The following CEP55 variants were observed in gnomAD, a reference collection of about 807,000 sequenced individuals.
CEP55 encodes centrosomal protein 55.
Under a neutral mutation model 63.2 loss-of-function variants are expected in CEP55, and 57 were observed. The ratio of observed to expected loss-of-function variants is 0.90; its 90% CI spans 0.73 to 1.13. The LOEUF is 1.13. Ranked by LOEUF, CEP55 falls within the 50% of genes most tolerant of loss-of-function variation. The probability of loss-of-function intolerance (pLI) is 0.00; values close to 1 mark genes in which losing one functional copy is unlikely to be tolerated. For synonymous variants in CEP55, 178 were observed against 191.6 expected (o/e 0.93, Z 0.59); for missense variants, 456 against 518.9 (o/e 0.88, Z 1.18).
chr10:93,522,751 G>C (rs900767665), intron 8 of CEP55, among the ~76,000 whole-genome samples: 8 of 152,162 alleles, frequency 5.3e-5, no homozygotes, highest in Non-Finnish European at 7.4e-5. Flanking sequence ...AGCAGAAACT[G>C]TACAAGCCAG....
chr10:93,503,091 ATTC>A lies in CEP55; in HGVS notation c.184-16_184-14del, dbSNP rs764370690. On this transcript the variant is annotated intron_variant, in intron 2 of 8. Transcript: ENST00000371485. Reference sequence around the variant, plus strand: ...ATGTTTGACCTGGCTTTGTTCTAAGATTCTTCTTAGTTTATGTCTAGAAAATTC... The same window carrying A: ...ATGTTTGACCTGGCTTTGTTCTAAGATTCTTAGTTTATGTCTAGAAAATTC... 2.5e-6 allele frequency: 4 copies of A among 1,601,374 alleles called. No homozygotes were observed. The East Asian group carries it at 8.9e-5, about 36-fold the overall frequency.
chr10:93,523,852 C>T (rs2057890730), intron 8 of CEP55, among the ~76,000 whole-genome samples: 1 of 152,088 alleles, frequency 6.6e-6, no homozygotes, highest in African/African-American at 2.4e-5. Context: ...GGGTACATAA[C>T]AAAATGAAGG....
chr10:93,504,440 T>C (rs977501452), intron 3 of CEP55, among the ~76,000 whole-genome samples: 1 of 151,178 alleles, frequency 6.6e-6, no homozygotes, highest in Non-Finnish European at 1.5e-5. Context: ...GCCACTGTAC[T>C]CCGGCCTGGG....
intron 8 of CEP55, among the ~76,000 whole-genome samples, chr10:93,526,470 C>G (rs2057923250): frequency 6.6e-6 from 1 of 152,162 alleles, no homozygotes; most frequent in African/African-American, 2.4e-5. Flanking sequence ...AATAGGAACA[C>G]TTTTACACTG....
intron 6 of CEP55, 38 bp downstream of exon 6, chr10:93,517,286 G>T (rs754399351): frequency 6.6e-7 from 1 of 1,508,720 alleles, no homozygotes; most frequent in Admixed American, 2.1e-5. Flanking sequence ...AGTGTTCACC[G>T]AACACTTTCT....
At position 93,528,357 on chromosome 10, in the gene CEP55, G is replaced by C; in HGVS notation, c.*204G>C. ...ACCTCCCTGACATGGTTCATCATCA[G>C]GCTGCAATGACAGAATGTGGTGAGC... On this transcript the variant is annotated 3_prime_UTR_variant, in exon 9 of 9. Coordinates refer to ENST00000371485, the MANE Select transcript of CEP55 (RefSeq NM_018131.5). 1.7e-6 allele frequency: 1 copy of C among 581,302 alleles called. No homozygotes were observed. The highest frequency in any genetic ancestry group is 3.1e-6 in the Non-Finnish European group (1 of 327,212). 36.0% of individuals were successfully genotyped at this position (581,302 alleles called of 1,614,324 possible).
intron 8 of CEP55, chr10:93,520,396 C>G (rs1487495212): frequency 7.1e-6 from 1 of 140,214 alleles, no homozygotes; most frequent in African/African-American, 2.7e-5. Flanking sequence ...CACTGCACTC[C>G]AGCCTGGGCA....
intron 8 of CEP55, among the ~76,000 whole-genome samples, chr10:93,526,779 T>C (rs1408867724): frequency 6.6e-6 from 1 of 152,220 alleles, no homozygotes; most frequent in African/African-American, 2.4e-5. Context: ...TCATGTCCTT[T>C]GTAGGGACAC....
chr10:93,524,363 CAT>C (rs1307230290), intron 8 of CEP55, among the ~76,000 whole-genome samples: 18 of 152,238 alleles, frequency 1.2e-4, no homozygotes, highest in African/African-American at 4.1e-4. Flanking sequence ...TTCCTCGACA[CAT>C]ACACCCTCCC....
chr10:93,511,652 G>C (rs2057751099), intron 4 of CEP55, among the ~76,000 whole-genome samples: 1 of 151,634 alleles, frequency 6.6e-6, no homozygotes, highest in Non-Finnish European at 1.5e-5. Flanking sequence ...GCCCAGGCTG[G>C]AGTGCAGTGG....
intron 8 of CEP55, among the ~76,000 whole-genome samples, chr10:93,526,359 G>A (rs978830723): frequency 5.3e-5 from 8 of 152,036 alleles, no homozygotes; most frequent in Non-Finnish European, 1.2e-4. Context: ...GGCCATCAGA[G>A]AAATGCAAAT....
At chr10:93,515,589 A>T (rs765683609) in intron 5 of CEP55, 34 bp downstream of exon 5, 1 of 1,513,424 alleles carries the variant, frequency 6.6e-7, no homozygotes, top group South Asian at 1.3e-5. Flanking sequence ...CTCTAGGGAT[A>T]GGCCTGACAT....
chr10:93,510,343 C>T (rs1355614882), intron 4 of CEP55, among the ~76,000 whole-genome samples: 1 of 152,088 alleles, frequency 6.6e-6, no homozygotes, highest in Admixed American at 6.6e-5. Flanking sequence ...ATTATTTTGT[C>T]TGCAAACATT....
intron 7 of CEP55, 139 bp from the exon 8 acceptor site, chr10:93,519,543 C>G: frequency 9.8e-7 from 1 of 1,020,508 alleles, no homozygotes; most frequent in Non-Finnish European, 1.4e-6. Context: ...ATTAACATTT[C>G]ATGGTGCTTA....
chr10:93,500,042 C>T lies in CEP55; in HGVS notation c.-10C>T. On this transcript the variant is annotated splice_region_variant and 5_prime_UTR_variant, in exon 2 of 9. Transcript: ENST00000371485. ...ACAGTTGATTTTTATTTTTACAGAC[C>T]ATTTCAGAGATGTCTTCCAGAAGTA... 1 of 1,583,330 alleles carries T rather than the reference C, an allele frequency of 6.3e-7. No individual in the cohort carries two copies. The highest frequency in any genetic ancestry group is 8.6e-7 in the Non-Finnish European group (1 of 1,166,168).
At chr10:93,524,673 C>T (rs1480135613) in intron 8 of CEP55, among the ~76,000 whole-genome samples, 24 of 152,174 alleles carry the variant, frequency 1.6e-4, no homozygotes, top group Middle Eastern at 3.4e-3. Flanking sequence ...TGATGAACAT[C>T]GATGCAAAAA....
At chr10:93,522,834 G>A (rs973192632) in intron 8 of CEP55, among the ~76,000 whole-genome samples, 1 of 152,118 alleles carries the variant, frequency 6.6e-6, no homozygotes, top group Non-Finnish European at 1.5e-5. Context: ...TATCCAGCCA[G>A]AGTAAGCTTC....
At chr10:93,524,902 AAAACTCTCAAT>A (rs1230414657) in intron 8 of CEP55, among the ~76,000 whole-genome samples, 5 of 152,156 alleles carry the variant, frequency 3.3e-5, no homozygotes, top group Non-Finnish European at 7.3e-5. Context: ...CTTCATGCTA[AAAACTCTCAAT>A]AAATTAGGTA....
intron 4 of CEP55, among the ~76,000 whole-genome samples, chr10:93,511,953 G>T (rs2057755081): frequency 6.6e-6 from 1 of 151,890 alleles, no homozygotes; most frequent in Non-Finnish European, 1.5e-5. Context: ...AATTGGGCTG[G>T]CGCAGTGGCT....
Sources: allele counts gnomAD v4.1 joint callset (sites outside exome capture counted in the v4.1 genomes callset), GRCh38; gene constraint gnomAD v4.1.1; transcripts MANE v1.5; gene names NCBI Gene and HGNC (gene_info 2026-07-23, HGNC 2026-07-21).